Variants in CDC20B observed in about 807,000 individuals in gnomAD.
CDC20B encodes the protein cell division cycle protein 20 homolog B.
A neutral mutation model predicts 64.1 loss-of-function variants in CDC20B; 58 were observed. The ratio of observed to expected loss-of-function variants is 0.90; its 90% confidence interval spans 0.73 to 1.13. The LOEUF is 1.13. Ranked by LOEUF, CDC20B falls within the 50% of genes most tolerant of loss-of-function variation. The probability of loss-of-function intolerance (pLI) is 0.00; values close to 1 mark genes in which losing one functional copy is unlikely to be tolerated. For missense variants in CDC20B, 597 were observed against 633.0 expected, an observed-to-expected ratio of 0.94 and a Z score of 0.61; for synonymous variants, 243 against 230.6, an observed-to-expected ratio of 1.05 and a Z score of -0.49.
rs149237876 is a variant in CDC20B at position 55,141,312 on chromosome 5, C to T, written c.487-905G>A. 3.1e-3 allele frequency among the ~76,000 whole-genome samples: 475 copies of T among 152,328 alleles called. 2 individuals are homozygous for T. The highest frequency in any genetic ancestry group is 0.011 in the African/African-American group (453 of 41,574). On this transcript the variant is annotated intron_variant, in intron 4 of 11. Coordinates refer to ENST00000381375, the MANE Select transcript of CDC20B (RefSeq NM_001170402.1). ...GCTTAACACTTTCTTTCTCTGGGCA[C>T]GAGCAAGCCAAGCTGTGTCCTGGCT...
chr5:55,117,091 T>C (rs1435833024), intron 11 of CDC20B, among the ~76,000 whole-genome samples: 1 of 152,196 alleles, frequency 6.6e-6, no homozygotes, highest in Non-Finnish European at 1.5e-5. Flanking sequence ...TATTGATACA[T>C]GGAATGATGA....
intron 2 of CDC20B, among the ~76,000 whole-genome samples, 189 bp from the exon 3 acceptor site, chr5:55,147,045 C>T (rs983781058): frequency 5.0e-4 from 72 of 143,612 alleles, no homozygotes; most frequent in African/African-American, 1.7e-3. Flanking sequence ...TATAGTTATA[C>T]GTAAAATGTT....
chr5:55,117,201 A>G (rs987092616), intron 11 of CDC20B, among the ~76,000 whole-genome samples: 2 of 152,198 alleles, frequency 1.3e-5, no homozygotes, highest in African/African-American at 4.8e-5. Flanking sequence ...GGGAATAATC[A>G]TAAGTTACCT....
chr5:55,129,050 T>C (rs1338851596), intron 6 of CDC20B, among the ~76,000 whole-genome samples: 1 of 152,182 alleles, frequency 6.6e-6, no homozygotes, highest in Admixed American at 6.5e-5. Flanking sequence ...TGGTGGTTCA[T>C]GTATGATACC....
intron 2 of CDC20B, among the ~76,000 whole-genome samples, chr5:55,151,840 G>T (rs557412390): frequency 1.3e-5 from 2 of 152,278 alleles, no homozygotes; most frequent in African/African-American, 4.8e-5. Flanking sequence ...GCAGCCAATG[G>T]TAGCTAAATA....
chr5:55,146,672 C>T lies in CDC20B; in HGVS notation c.311G>A (p.Gly104Glu). ...CTCAGGCGGTGTCTTCAGCACTGAT[C>T]CGGAAGCTTCTGGGAGGTAGGTGGT... The part of the protein sequence containing the change: ...QSTTYLPEAS[G>E]SVLKTPPEKE... Residue 104 changes from glycine to glutamate, a missense_variant, in exon 3 of 12, where the codon GGA (glycine) becomes GAA (glutamate). Around this residue, in one of 3 missense-constraint regions of CDC20B, gnomAD observed 241 missense variants for 219.2 expected, o/e 1.10. Transcript: ENST00000381375. 1 of 1,614,086 alleles carries T rather than the reference C, an allele frequency of 6.2e-7. No individual in the cohort carries two copies.
chr5:55,126,277 G>GTC (rs376348137), intron 8 of CDC20B: 25,306 of 155,334 alleles, frequency 0.16, 2,448 homozygotes, highest in South Asian at 0.29. Context: ...GAGGCAGGTG[G>GTC]ATCACAAGGT....
intron 2 of CDC20B, among the ~76,000 whole-genome samples, chr5:55,163,039 T>A (rs1411501330): frequency 6.6e-6 from 1 of 152,170 alleles, no homozygotes; most frequent in African/African-American, 2.4e-5. Context: ...AGGGTCCCTG[T>A]AAGATTAAAA....
intron 6 of CDC20B, among the ~76,000 whole-genome samples, chr5:55,129,834 G>A (rs1742984220): frequency 6.6e-6 from 1 of 152,182 alleles, no homozygotes; most frequent in African/African-American, 2.4e-5. Context: ...AACTTAAAAT[G>A]TGAACCTAAC....
chr5:55,138,059 G>A (rs987024859), intron 5 of CDC20B, among the ~76,000 whole-genome samples: 3 of 150,094 alleles, frequency 2.0e-5, no homozygotes, highest in African/African-American at 7.4e-5. Context: ...GGATATACCA[G>A]AAGAAACCAG....
At chr5:55,167,787 CAA>C (rs1744463709) in intron 2 of CDC20B, among the ~76,000 whole-genome samples, 1 of 152,086 alleles carries the variant, frequency 6.6e-6, no homozygotes, top group East Asian at 1.9e-4. Context: ...TGCTTGAGCC[CAA>C]AGAGGTCAAG....
chr5:55,137,108 CAG>C (rs1743196878), intron 5 of CDC20B: 1 of 150,010 alleles, frequency 6.7e-6, no homozygotes, highest in Non-Finnish European at 1.4e-5. Context: ...ACCCGGGAGA[CAG>C]AGGTTGCAGT....
Position 55,114,074 on chromosome 5 carries a change from AAAG to A in CDC20B, c.*141_*143del, listed in dbSNP as rs1376761074. ...AGCAGAGCAAGTAAAGCAATCTGCA[AAAG>A]AAGAACAGGAGAACAGGCATTCACA... On this transcript the variant is annotated 3_prime_UTR_variant, in exon 12 of 12. Transcript: ENST00000381375. This position sits in a 1 kb window ranked among gnomAD's most constrained non-coding sequence, Gnocchi z 4.1. The A allele has an allele frequency of 3.7e-6, 5 of 1,366,080 alleles. No individual in the cohort carries two copies. Among genetic ancestry groups the A allele is most frequent in the African/African-American group, 2.9e-5 (2 of 67,966 alleles). 84.6% of individuals were successfully genotyped at this position (1,366,080 alleles called of 1,614,324 possible).
At chr5:55,160,813 G>A (rs1744003569) in intron 2 of CDC20B, 2 of 572,462 alleles carry the variant, frequency 3.5e-6, no homozygotes, top group Middle Eastern at 4.6e-4. Flanking sequence ...ACTATTTCAG[G>A]GCCTTAACCC....
chr5:55,151,089 GAAA>G (rs1743655280), intron 2 of CDC20B, among the ~76,000 whole-genome samples: 1 of 152,058 alleles, frequency 6.6e-6, no homozygotes, highest in Admixed American at 6.6e-5. Context: ...TCTCCGCTAA[GAAA>G]AAAACCGCAG....
chr5:55,165,045 A>G (rs1184907392), intron 2 of CDC20B: 1 of 152,182 alleles, frequency 6.6e-6, no homozygotes, highest in African/African-American at 2.4e-5. Flanking sequence ...TGAGTATAAG[A>G]TCATTTAACT....
At chr5:55,161,081 C>G in intron 2 of CDC20B, 1 of 1,614,174 alleles carries the variant, frequency 6.2e-7, no homozygotes, top group East Asian at 2.2e-5. Flanking sequence ...AGAGTTTGGA[C>G]CATCCCACTT....
At chr5:55,155,183 A>G (rs1364976789) in intron 2 of CDC20B, among the ~76,000 whole-genome samples, 1 of 152,236 alleles carries the variant, frequency 6.6e-6, no homozygotes, top group African/African-American at 2.4e-5. Context: ...AGTTCACATC[A>G]TAGTGACATT....
At chr5:55,165,949 C>T (rs1580377726) in intron 2 of CDC20B, 1 of 152,242 alleles carries the variant, frequency 6.6e-6, no homozygotes, top group East Asian at 1.9e-4. Context: ...GCGAAGAAAA[C>T]AGAAGCCACC....
Sources: allele counts gnomAD v4.1 joint callset (sites outside exome capture counted in the v4.1 genomes callset), GRCh38; gene constraint gnomAD v4.1.1; regional missense constraint gnomAD v4.1.1; non-coding constraint Gnocchi (gnomAD v3.1); transcripts MANE v1.5; gene names NCBI Gene and HGNC (gene_info 2026-07-23, HGNC 2026-07-21).